The following HES2 variants were observed in gnomAD, a reference collection of about 807,000 sequenced individuals.
HES2 encodes transcription factor HES-2.
In HES2, 11 loss-of-function variants were observed where a neutral mutation model predicts 11.9. That is an observed-to-expected ratio of 0.92 (90% CI 0.58 to 1.53). The LOEUF (loss-of-function observed/expected upper bound fraction) is 1.53, where lower values mean the gene tolerates loss of function less well. Ranked by LOEUF, HES2 falls within the 40% of genes most tolerant of loss-of-function variation. HES2 has a pLI of 0.00. For synonymous variants in HES2, 125 were observed against 122.8 expected, an observed-to-expected ratio of 1.02 and a Z score of -0.12; for missense variants, 260 against 253.8, an observed-to-expected ratio of 1.02 and a Z score of -0.16.
Position 6,419,512 on chromosome 1 carries a change from G to C in HES2, c.141+95C>G, listed in dbSNP as rs932442669. ...CAGGCTCCGCCTCGGGCGCCGCGCGGAACCCCCTGGTGGGTTCCTCCCGCA... is the reference window on the plus strand; with the variant it reads ...CAGGCTCCGCCTCGGGCGCCGCGCGCAACCCCCTGGTGGGTTCCTCCCGCA... On this transcript the variant is annotated intron_variant, in intron 2 of 3. Transcript: ENST00000377834. The surrounding 1 kb of genome is among the most constrained non-coding windows in gnomAD (Gnocchi z 8.1). 290 of 1,265,230 alleles carry C rather than the reference G, an allele frequency of 2.3e-4. 2 individuals are homozygous for C. The highest frequency in any genetic ancestry group is 4.3e-4 in the South Asian group (29 of 66,818). 78.4% of individuals were successfully genotyped at this position (1,265,230 alleles called of 1,614,324 possible). A position where few individuals can be genotyped will look rare whatever the true frequency, so the allele number is the denominator to read the frequency against.
In HES2 at chr1:6,419,126, T is replaced by C. The variant is rs1158631679; in HGVS notation, c.269A>G (p.Tyr90Cys). The change falls in exon 4 of 4, where the codon TAC becomes TGC. Residue 90 changes from tyrosine (Y) to cysteine (C), a missense_variant. Tyr to Cys is a radical substitution (Grantham distance 194, BLOSUM62 -2). Coordinates refer to ENST00000377834, the MANE Select transcript of HES2 (RefSeq NM_019089.5). This position sits in a 1 kb window ranked among gnomAD's most constrained non-coding sequence, Gnocchi z 8.1. ...GGCCAGGCGCGCCACACAGGCGCTG[T>C]AGCCCTCGCGGTAGCTGTCGCAAGG... ...PLPCDSYREG[Y>C]SACVARLARV... 3 of 1,522,438 alleles carry C rather than the reference T, an allele frequency of 2.0e-6. No homozygotes were observed. The highest frequency in any genetic ancestry group is 2.4e-5 in the South Asian group (2 of 82,904). The allele number at this position is 1,522,438 out of a possible 1,614,324, so 94.3% of individuals were successfully genotyped here.
Position 6,415,584 on chromosome 1 carries a change from T to G in HES2, c.*3289A>C, listed in dbSNP as rs972468393. The G allele has an allele frequency of 3.9e-5, 6 of 151,932 alleles. No individual in the cohort carries two copies. Among genetic ancestry groups the G allele is most frequent in the Non-Finnish European group, 7.4e-5 (5 of 68,018 alleles). 9.4% of individuals were successfully genotyped at this position (151,932 alleles called of 1,614,324 possible). On this transcript the variant is annotated 3_prime_UTR_variant, in exon 4 of 4. Transcript: ENST00000377834. ...GTCAATGTTTATGAGGAGTCCTCCTTGGCAGCCCAGTCTTTATCCTCACTC... is the reference window on the plus strand; with the variant it reads ...GTCAATGTTTATGAGGAGTCCTCCTGGGCAGCCCAGTCTTTATCCTCACTC...
rs1170502537 is a variant in HES2 at position 6,416,874 on chromosome 1, G to A, written c.*1999C>T. 6 of 152,294 alleles carry A rather than the reference G, an allele frequency of 3.9e-5. No individual in the cohort carries two copies. Among genetic ancestry groups the A allele is most frequent in the African/African-American group, 1.4e-4 (6 of 41,450 alleles). The allele number at this position is 152,294 out of a possible 1,614,324, so 9.4% of individuals were successfully genotyped here. ...CAACAGGCGCTCATTCTCAGCAATG[G>A]GTGAAAGTAAGAGGAACCTGCCCTC... is the stretch of plus-strand genomic sequence containing the variant. On this transcript the variant is annotated 3_prime_UTR_variant, in exon 4 of 4. Transcript: ENST00000377834.
chr1:6,419,274 G>A lies in HES2; in HGVS notation c.208C>T (p.Leu70=). Residue 70 remains leucine, a synonymous_variant, in exon 3 of 4, where the codon CTG becomes TTG. Coordinates refer to ENST00000377834, the MANE Select transcript of HES2 (RefSeq NM_019089.5). The surrounding 1 kb of genome is among the most constrained non-coding windows in gnomAD (Gnocchi z 8.1). ...GCCGTGGGCCATGAGGACGCAGGCAGCTCCTGCAGGAAGCGCACGGTCATT... is the reference window on the plus strand; with the variant it reads ...GCCGTGGGCCATGAGGACGCAGGCAACTCCTGCAGGAAGCGCACGGTCATT... ...LEMTVRFLQE[L]PASSWPTAAP... 1 of 1,610,418 alleles carries A rather than the reference G, an allele frequency of 6.2e-7. No homozygotes were observed. Among genetic ancestry groups the A allele is most frequent in the East Asian group, 2.2e-5 (1 of 44,774 alleles).
Position 6,418,954 on chromosome 1 carries a change from C to G in HES2, c.441G>C (p.Ala147=). 1 of 1,340,010 alleles carries G rather than the reference C, an allele frequency of 7.5e-7. No homozygotes were observed. Among genetic ancestry groups the G allele is most frequent in the Non-Finnish European group, 9.5e-7 (1 of 1,054,896 alleles). 83.0% of individuals were successfully genotyped at this position (1,340,010 alleles called of 1,614,324 possible). ...GAGCGGATGCGGGCTCTGGGGCAGA[C>G]GCGGGCGCTGGGGCGGGGGCAGACG... The part of the protein sequence containing the change: ...SGPSAPAPAP[A]SAPEPASAPV... Residue 147 remains alanine, a synonymous_variant, in exon 4 of 4, where the codon GCG becomes GCC. Coordinates refer to ENST00000377834, the MANE Select transcript of HES2 (RefSeq NM_019089.5).
In HES2 at chr1:6,416,793, C is replaced by T. The variant is rs1215554193; in HGVS notation, c.*2080G>A. 6.6e-6 allele frequency: 1 copy of T among 152,236 alleles called. No individual in the cohort carries two copies. Among genetic ancestry groups the T allele is most frequent in the Non-Finnish European group, 1.5e-5 (1 of 68,076 alleles). The allele number at this position is 152,236 out of a possible 1,614,324, so 9.4% of individuals were successfully genotyped here. A position where few individuals can be genotyped will look rare whatever the true frequency, so the allele number is the denominator to read the frequency against. On this transcript the variant is annotated 3_prime_UTR_variant, in exon 4 of 4. Transcript: ENST00000377834. Reference sequence around the variant, plus strand: ...GTCCTGTGCCTGCCTGATGTGGAGTCCTAGGCGGGCTTGGGCCGCAGGTTA... The same window carrying T: ...GTCCTGTGCCTGCCTGATGTGGAGTTCTAGGCGGGCTTGGGCCGCAGGTTA...
At position 6,419,719 on chromosome 1, in the gene HES2, C is replaced by T. The variant is rs1202423562; in HGVS notation, c.46-17G>A. Reference sequence around the variant, plus strand: ...CTTCAGGCTCTGCGGACGGGCGGCGCGGTGGTTAGACGGGTCCCCGGAGTC... The same window carrying T: ...CTTCAGGCTCTGCGGACGGGCGGCGTGGTGGTTAGACGGGTCCCCGGAGTC... On this transcript the variant is annotated splice_polypyrimidine_tract_variant and intron_variant, in intron 1 of 3. Transcript: ENST00000377834. This position sits in a 1 kb window ranked among gnomAD's most constrained non-coding sequence, Gnocchi z 8.1. The T allele has an allele frequency of 1.9e-6, 3 of 1,551,416 alleles. No homozygotes were observed. In the South Asian group the frequency reaches 3.6e-5, roughly 18 times the overall value.
In HES2 at chr1:6,418,192, G is replaced by C. The variant is rs532475656; in HGVS notation, c.*681C>G. Reference sequence around the variant, plus strand: ...ATGCCCAGGTGTGAAATTGATGCTCGGGAAAACAAATCCTTCCCAAAGTCA... The same window carrying C: ...ATGCCCAGGTGTGAAATTGATGCTCCGGAAAACAAATCCTTCCCAAAGTCA... On this transcript the variant is annotated 3_prime_UTR_variant, in exon 4 of 4. Coordinates refer to ENST00000377834, the MANE Select transcript of HES2 (RefSeq NM_019089.5). 6.6e-6 allele frequency: 1 copy of C among 152,310 alleles called. No homozygotes were observed. Among genetic ancestry groups the C allele is most frequent in the South Asian group, 2.1e-4 (1 of 4,826 alleles). The allele number at this position is 152,310 out of a possible 1,614,324, so 9.4% of individuals were successfully genotyped here.
In HES2 at chr1:6,419,876, C is replaced by A; in HGVS notation, c.-56G>T. 1 of 1,487,918 alleles carries A rather than the reference C, an allele frequency of 6.7e-7. No homozygotes were observed. Among genetic ancestry groups the A allele is most frequent in the South Asian group, 1.3e-5 (1 of 75,686 alleles). The allele number at this position is 1,487,918 out of a possible 1,614,324, so 92.2% of individuals were successfully genotyped here. A position where few individuals can be genotyped will look rare whatever the true frequency, so the allele number is the denominator to read the frequency against. ...CCCCACGCAAAGGGAAACCGAGGTC[C>A]GAAATGAGGTCCCGGGCGCGGCCCG... On this transcript the variant is annotated 5_prime_UTR_variant, in exon 1 of 4. Coordinates refer to ENST00000377834, the MANE Select transcript of HES2 (RefSeq NM_019089.5). This position sits in a 1 kb window ranked among gnomAD's most constrained non-coding sequence, Gnocchi z 8.1.
At position 6,418,970 on chromosome 1, in the gene HES2, G is replaced by A; in HGVS notation, c.425C>T (p.Pro142Leu). ...RAGDSSGPSAPAPAPASAPEP... is the reference protein window; with the variant it reads ...RAGDSSGPSALAPAPASAPEP... ...TGGGGCAGACGCGGGCGCTGGGGCG[G>A]GGGCAGACGGGCCACTGGAATCCCC... Residue 142 changes from proline to leucine, a missense_variant, in exon 4 of 4, where the codon CCC becomes CTC. Coordinates refer to ENST00000377834, the MANE Select transcript of HES2 (RefSeq NM_019089.5). 7.4e-7 allele frequency: 1 copy of A among 1,348,156 alleles called. No homozygotes were observed. 83.5% of individuals were successfully genotyped at this position (1,348,156 alleles called of 1,614,324 possible). A position where few individuals can be genotyped will look rare whatever the true frequency, so the allele number is the denominator to read the frequency against.
chr1:6,418,848 C>T lies in HES2; in HGVS notation c.*25G>A, dbSNP rs918806175. On this transcript the variant is annotated 3_prime_UTR_variant, in exon 4 of 4. Coordinates refer to ENST00000377834, the MANE Select transcript of HES2 (RefSeq NM_019089.5). ...GTGCCCCAAGGTCCCAAGCAGTCGG[C>T]AGGGTCTGTGGATCGGCCGAGGGGC... 1.5e-5 allele frequency: 19 copies of T among 1,296,950 alleles called. No individual in the cohort carries two copies. In the African/African-American group the frequency reaches 2.8e-4, roughly 19 times the overall value. 80.3% of individuals were successfully genotyped at this position (1,296,950 alleles called of 1,614,324 possible).
In HES2 at chr1:6,415,302, G is replaced by A. The variant is rs896612772; in HGVS notation, c.*3571C>T. ...TTTTTTTTAAACAAATTGAAGGTTC[G>A]GGGTAACTCCAGAGTCAAGCAAGTC... On this transcript the variant is annotated 3_prime_UTR_variant, in exon 4 of 4. Coordinates refer to ENST00000377834, the MANE Select transcript of HES2 (RefSeq NM_019089.5). The A allele has an allele frequency of 3.3e-5, 5 of 151,300 alleles. No homozygotes were observed. Among genetic ancestry groups the A allele is most frequent in the Non-Finnish European group, 5.9e-5 (4 of 67,934 alleles). 9.4% of individuals were successfully genotyped at this position (151,300 alleles called of 1,614,324 possible).
In HES2 at chr1:6,419,164, A is replaced by C. The variant is rs759176007; in HGVS notation, c.242-11T>G. The stretch of plus-strand genomic sequence containing the variant: ...AGCTGTCGCAAGGCACTGCGGGCGG[A>C]GAGCCGCGTGAGGCGCGGGGTAGGG... On this transcript the variant is annotated splice_polypyrimidine_tract_variant and intron_variant, in intron 3 of 3. Coordinates refer to ENST00000377834, the MANE Select transcript of HES2 (RefSeq NM_019089.5). This position sits in a 1 kb window ranked among gnomAD's most constrained non-coding sequence, Gnocchi z 8.1. 1.1e-5 allele frequency: 17 copies of C among 1,554,356 alleles called. No individual in the cohort carries two copies. The highest frequency in any genetic ancestry group is 3.8e-4 in the Middle Eastern group (2 of 5,304).
At position 6,419,183 on chromosome 1, in the gene HES2, G is replaced by C; in HGVS notation, c.242-30C>G. Reference sequence around the variant, plus strand: ...GGGCGGAGAGCCGCGTGAGGCGCGGGGTAGGGTGCCGGGTGCGGGGTGCAG... The same window carrying C: ...GGGCGGAGAGCCGCGTGAGGCGCGGCGTAGGGTGCCGGGTGCGGGGTGCAG... On this transcript the variant is annotated intron_variant, in intron 3 of 3. Transcript: ENST00000377834. This position sits in a 1 kb window ranked among gnomAD's most constrained non-coding sequence, Gnocchi z 8.1. The C allele has an allele frequency of 1.3e-6, 2 of 1,576,520 alleles. No individual in the cohort carries two copies. The highest frequency in any genetic ancestry group is 2.3e-5 in the South Asian group (2 of 87,854).
chr1:6,418,869 G>A lies in HES2; in HGVS notation c.*4C>T. ...TCGGCAGGGTCTGTGGATCGGCCGA[G>A]GGGCTACCACGGCCGCCAGAGGCCA... On this transcript the variant is annotated 3_prime_UTR_variant, in exon 4 of 4. Transcript: ENST00000377834. The A allele has an allele frequency of 7.7e-7, 1 of 1,306,046 alleles. No homozygotes were observed. The highest frequency in any genetic ancestry group is 9.7e-7 in the Non-Finnish European group (1 of 1,034,182). The allele number at this position is 1,306,046 out of a possible 1,614,324, so 80.9% of individuals were successfully genotyped here.
At position 6,418,656 on chromosome 1, in the gene HES2, G is replaced by C. The variant is rs1157166928; in HGVS notation, c.*217C>G. On this transcript the variant is annotated 3_prime_UTR_variant, in exon 4 of 4. Coordinates refer to ENST00000377834, the MANE Select transcript of HES2 (RefSeq NM_019089.5). Reference sequence around the variant, plus strand: ...TGTCCTTTCTTCTCCAGCCAAGTTGGGGGTGAAGCAGGGACGCTCCTTTTA... The same window carrying C: ...TGTCCTTTCTTCTCCAGCCAAGTTGCGGGTGAAGCAGGGACGCTCCTTTTA... 2.4e-6 allele frequency: 1 copy of C among 408,746 alleles called. No individual in the cohort carries two copies. The highest frequency in any genetic ancestry group is 4.2e-6 in the Non-Finnish European group (1 of 237,238). 25.3% of individuals were successfully genotyped at this position (408,746 alleles called of 1,614,324 possible).
rs1296402789 is a variant in HES2, at chr1:6,419,267, G to A, written c.215C>T (p.Ala72Val). The change falls in exon 3 of 4, where the codon GCG becomes GTG. Residue 72 changes from alanine to valine, a missense_variant. By Grantham distance (64) the Ala-to-Val change is moderately conservative. Transcript: ENST00000377834. The surrounding 1 kb of genome is among the most constrained non-coding windows in gnomAD (Gnocchi z 8.1). Reference protein sequence around the residue: ...MTVRFLQELPASSWPTAAPLP... With the variant: ...MTVRFLQELPVSSWPTAAPLP... ...GGGCGCTGCCGTGGGCCATGAGGACGCAGGCAGCTCCTGCAGGAAGCGCAC... is the reference window on the plus strand; with the variant it reads ...GGGCGCTGCCGTGGGCCATGAGGACACAGGCAGCTCCTGCAGGAAGCGCAC... 1.2e-6 allele frequency: 2 copies of A among 1,610,184 alleles called. No individual in the cohort carries two copies. Among genetic ancestry groups the A allele is most frequent in the African/African-American group, 2.7e-5 (2 of 74,828 alleles).
Position 6,419,610 on chromosome 1 carries a change from C to G in HES2, c.138G>C (p.Arg46=). 1 of 1,536,032 alleles carries G rather than the reference C, an allele frequency of 6.5e-7. No individual in the cohort carries two copies. The highest frequency in any genetic ancestry group is 8.7e-7 in the Non-Finnish European group (1 of 1,144,756). Residue 46 remains arginine (R), a synonymous_variant, in exon 2 of 4, where the codon CGG becomes CGC. Coordinates refer to ENST00000377834, the MANE Select transcript of HES2 (RefSeq NM_019089.5). The surrounding 1 kb of genome is among the most constrained non-coding windows in gnomAD (Gnocchi z 8.1). ...CCCTCCGCCCGGGCGCGCTCACCTC[C>G]CGGCCCAGCAGCGGCAGGATGAGCC... The part of the protein sequence containing the change: ...LKGLILPLLG[R]ENSNCSKLEK...
Position 6,419,120 on chromosome 1 carries a change from GCGCTGTAGCCCTCGCGGTAGCTGT to G in HES2, c.251_274del (p.Asp84_Ser91del). 1 of 1,518,148 alleles carries G rather than the reference GCGCTGTAGCCCTCGCGGTAGCTGT, an allele frequency of 6.6e-7. No homozygotes were observed. The highest frequency in any genetic ancestry group is 1.2e-5 in the South Asian group (1 of 82,424). The allele number at this position is 1,518,148 out of a possible 1,614,324, so 94.0% of individuals were successfully genotyped here. On this transcript the variant is annotated inframe_deletion, in exon 4 of 4. Transcript: ENST00000377834. The surrounding 1 kb of genome is among the most constrained non-coding windows in gnomAD (Gnocchi z 8.1). ...CACGCGGGCCAGGCGCGCCACACAG[GCGCTGTAGCCCTCGCGGTAGCTGT>G]CGCAAGGCACTGCGGGCGGAGAGCC...
Sources: gnomAD v4.1 joint callset for allele counts on GRCh38, gnomAD v4.1.1 for gene constraint, Gnocchi (gnomAD v3.1) non-coding constraint, MANE v1.5 for transcripts, NCBI Gene and HGNC (gene_info 2026-07-23, HGNC 2026-07-21) for gene names.